Variants in ADAMTS2 observed in about 807,000 individuals in gnomAD.
ADAMTS2 encodes the protein ADAM metallopeptidase with thrombospondin type 1 motif 2.
ADAMTS2 carries 50 observed loss-of-function variants against 123.0 expected under a neutral mutation model. That is an observed-to-expected ratio of 0.41 (90% CI 0.32 to 0.51). The LOEUF (loss-of-function observed/expected upper bound fraction) is 0.51, where lower values mean the gene tolerates loss of function less well. Among genes scored for constraint, ADAMTS2 ranks in the 20% least tolerant of loss-of-function variants. ADAMTS2 has a pLI of 0.35. For missense variants in ADAMTS2, 1,494 were observed against 1,705.2 expected (o/e 0.88, Z 2.18); for synonymous variants, 678 against 695.4 (o/e 0.98, Z 0.39).
chr5:179,345,252 G>GGCGGCGGCGGCGGCAGGAGCA lies in ADAMTS2; in HGVS notation c.76_77insTGCTCCTGCCGCCGCCGCCGC (p.Pro25_Pro26insLeuLeuLeuProProProPro). 8.7e-7 allele frequency: 1 copy of GGCGGCGGCGGCGGCAGGAGCA among 1,143,606 alleles called. No individual in the cohort carries two copies. Among genetic ancestry groups the GGCGGCGGCGGCGGCAGGAGCA allele is most frequent in the Non-Finnish European group, 1.1e-6 (1 of 938,112 alleles). The allele number at this position is 1,143,606 out of a possible 1,614,324, so 70.8% of individuals were successfully genotyped here. A position where few individuals can be genotyped will look rare whatever the true frequency, so the allele number is the denominator to read the frequency against. Reference sequence around the variant, plus strand: ...GGGCGGCGGCGGCGGCGGCAGGAGCGGCGGCGGCAGCAGCAGCAGCAGCAG... The same window carrying GGCGGCGGCGGCGGCAGGAGCA: ...GGGCGGCGGCGGCGGCGGCAGGAGCGGCGGCGGCGGCGGCAGGAGCAGCGGCGGCAGCAGCAGCAGCAGCAG... On this transcript the variant is annotated inframe_insertion, in exon 1 of 22. Transcript: ENST00000251582. This position sits in a 1 kb window ranked among gnomAD's most constrained non-coding sequence, Gnocchi z 7.5.
intron 2 of ADAMTS2, among the ~76,000 whole-genome samples, chr5:179,334,764 T>C (rs565631077): frequency 5.0e-4 from 76 of 152,218 alleles, no homozygotes; most frequent in East Asian, 9.6e-4. Context: ...AAAAGATAGT[T>C]CTATAAAAAT....
At chr5:179,276,658 A>T (rs1766703910) in intron 2 of ADAMTS2, among the ~76,000 whole-genome samples, 1 of 152,234 alleles carries the variant, frequency 6.6e-6, no homozygotes, top group African/African-American at 2.4e-5. Context: ...ATGGGCAGAC[A>T]GGCTGCTGGG....
chr5:179,200,739 T>G (rs2113359086), intron 4 of ADAMTS2, among the ~76,000 whole-genome samples: 1 of 152,258 alleles, frequency 6.6e-6, no homozygotes, highest in East Asian at 1.9e-4. Context: ...GCTTTTCCCC[T>G]GGGAAGGGAA....
chr5:179,315,394 A>AGTG lies in ADAMTS2; in HGVS notation c.534+28372_534+28373insCAC, dbSNP rs1756964707. On this transcript the variant is annotated intron_variant, in intron 2 of 21. Coordinates refer to ENST00000251582, the MANE Select transcript of ADAMTS2 (RefSeq NM_014244.5). ...CTGCCAGTGAAGTGGGGGTGTCCCC[A>AGTG]AAGGGGGTTTGTTTCCCACCATTGG... is the stretch of plus-strand genomic sequence containing the variant. Among the ~76,000 whole-genome samples the AGTG allele has an allele frequency of 2.7e-5, 3 of 112,848 alleles. No individual in the cohort carries two copies. In the East Asian group the frequency reaches 7.6e-4, roughly 28 times the overall value. 74.0% of individuals were successfully genotyped at this position (112,848 alleles called of 152,430 possible).
rs1238598999 is a variant in ADAMTS2 at position 179,188,118 on chromosome 5, G to A, written c.892-6963C>T. 6.6e-6 allele frequency among the ~76,000 whole-genome samples: 1 copy of A among 152,178 alleles called. No individual in the cohort carries two copies. Among genetic ancestry groups the A allele is most frequent in the African/African-American group, 2.4e-5 (1 of 41,460 alleles). On this transcript the variant is annotated intron_variant, in intron 4 of 21. Transcript: ENST00000251582. This position sits in a 1 kb window ranked among gnomAD's most constrained non-coding sequence, Gnocchi z 5.1. ...CCAGCCACAGAGGAGACAGGCAGGG[G>A]CCCTGGAACAGCAGCCACCCCAACC...
At chr5:179,300,534 T>C (rs1756486694) in intron 2 of ADAMTS2, among the ~76,000 whole-genome samples, 1 of 152,206 alleles carries the variant, frequency 6.6e-6, no homozygotes, top group Admixed American at 6.5e-5. Flanking sequence ...ATTGATGTCT[T>C]TGCAACACTT....
rs775388990 is a variant in ADAMTS2 at position 179,181,030 on chromosome 5, C to T, written c.975+42G>A. On this transcript the variant is annotated intron_variant, in intron 5 of 21. Coordinates refer to ENST00000251582, the MANE Select transcript of ADAMTS2 (RefSeq NM_014244.5). The surrounding 1 kb of genome is among the most constrained non-coding windows in gnomAD (Gnocchi z 4.1). Reference sequence around the variant, plus strand: ...TGCCTCACTCCCAGGCCCCTCACTCCGAGGGGGTGGAGGCAGGCCCGGCTG... The same window carrying T: ...TGCCTCACTCCCAGGCCCCTCACTCTGAGGGGGTGGAGGCAGGCCCGGCTG... 1.9e-5 allele frequency: 29 copies of T among 1,512,114 alleles called. No individual in the cohort carries two copies. The highest frequency in any genetic ancestry group is 1.2e-4 in the African/African-American group (9 of 72,834). The allele number at this position is 1,512,114 out of a possible 1,614,324, so 93.7% of individuals were successfully genotyped here.
chr5:179,317,123 C>T lies in ADAMTS2; in HGVS notation c.534+26644G>A, dbSNP rs755010842. ...GACAAAGCCCAGAGCCCCAACCCCACGTGGCCTGGGTCCCCACAGCCTCCA... is the reference window on the plus strand; with the variant it reads ...GACAAAGCCCAGAGCCCCAACCCCATGTGGCCTGGGTCCCCACAGCCTCCA... On this transcript the variant is annotated intron_variant, in intron 2 of 21. Coordinates refer to ENST00000251582, the MANE Select transcript of ADAMTS2 (RefSeq NM_014244.5). This position sits in a 1 kb window ranked among gnomAD's most constrained non-coding sequence, Gnocchi z 4.9. Among the ~76,000 whole-genome samples the T allele has an allele frequency of 4.6e-5, 7 of 152,290 alleles. No homozygotes were observed. In the East Asian group the frequency reaches 9.7e-4, roughly 21 times the overall value.
chr5:179,114,465 GT>G, intron 21 of ADAMTS2, 141 bp from the exon 22 acceptor site: 1 of 845,450 alleles, frequency 1.2e-6, no homozygotes, highest in Non-Finnish European at 1.9e-6. Context: ...CAGAAAGTCT[GT>G]GTGGGTTCAG....
chr5:179,196,433 T>C (rs1304819255), intron 4 of ADAMTS2, among the ~76,000 whole-genome samples: 2 of 152,166 alleles, frequency 1.3e-5, no homozygotes, highest in East Asian at 3.9e-4. Flanking sequence ...TCCCAGAACA[T>C]AAGCAGTTAA....
intron 3 of ADAMTS2, among the ~76,000 whole-genome samples, chr5:179,265,481 A>G (rs1411758370): frequency 6.6e-6 from 1 of 152,122 alleles, no homozygotes; most frequent in Non-Finnish European, 1.5e-5. Flanking sequence ...CCACTGTGGA[A>G]TAAGGGGGGC....
chr5:179,122,871 C>T lies in ADAMTS2; in HGVS notation c.2959-98G>A, dbSNP rs73342598. ...ACAGTCCCCAGGCACATGACCCATG[C>T]GCTCAGGAGGAGGTGTGGGACAGTG... On this transcript the variant is annotated intron_variant, in intron 19 of 21. Coordinates refer to ENST00000251582, the MANE Select transcript of ADAMTS2 (RefSeq NM_014244.5). 1,252 of 1,518,646 alleles carry T rather than the reference C, an allele frequency of 8.2e-4. 8 individuals carry two copies. In the African/African-American group the frequency reaches 0.015, roughly 18 times the overall value. The allele number at this position is 1,518,646 out of a possible 1,614,324, so 94.1% of individuals were successfully genotyped here. A position where few individuals can be genotyped will look rare whatever the true frequency, so the allele number is the denominator to read the frequency against.
In ADAMTS2 at chr5:179,153,617, A is replaced by G; in HGVS notation, c.1389T>C (p.Tyr463=). Residue 463 remains tyrosine (Y), a synonymous_variant, in exon 9 of 22, where the codon TAT becomes TAC. Transcript: ENST00000251582. The part of the protein sequence containing the change: ...QQELSRYLHS[Y]DCLLDDPFAH... ...CGAAGGGGTCATCCAGCAGGCAGTC[A>G]TAGGAGCTGTGGGGGACACACGGTG... The G allele has an allele frequency of 6.2e-7, 1 of 1,603,480 alleles. No homozygotes were observed. Among genetic ancestry groups the G allele is most frequent in the Middle Eastern group, 1.6e-4 (1 of 6,062 alleles).
Position 179,256,295 on chromosome 5 carries a change from C to A in ADAMTS2, c.688+16616G>T, listed in dbSNP as rs181162791. ...CACGGGTGCCCAACAGGAAAGAGGA[C>A]GGGGGCTTATTATAAGGAAAATAGT... On this transcript the variant is annotated intron_variant, in intron 3 of 21. Transcript: ENST00000251582. The surrounding 1 kb of genome is among the most constrained non-coding windows in gnomAD (Gnocchi z 4.1). 6.6e-6 allele frequency among the ~76,000 whole-genome samples: 1 copy of A among 152,058 alleles called. No individual in the cohort carries two copies. The highest frequency in any genetic ancestry group is 1.5e-5 in the Non-Finnish European group (1 of 68,028).
chr5:179,122,887 T>G lies in ADAMTS2; in HGVS notation c.2959-114A>C, dbSNP rs971651690. ...TGACCCATGCGCTCAGGAGGAGGTGTGGGACAGTGGGGAGAGTGGGGTTTC... is the reference window on the plus strand; with the variant it reads ...TGACCCATGCGCTCAGGAGGAGGTGGGGGACAGTGGGGAGAGTGGGGTTTC... On this transcript the variant is annotated intron_variant, in intron 19 of 21. Coordinates refer to ENST00000251582, the MANE Select transcript of ADAMTS2 (RefSeq NM_014244.5). 2.0e-6 allele frequency: 3 copies of G among 1,485,168 alleles called. No individual in the cohort carries two copies. The African/African-American group carries it at 4.2e-5, about 21-fold the overall frequency. The allele number at this position is 1,485,168 out of a possible 1,614,324, so 92.0% of individuals were successfully genotyped here.
At chr5:179,123,600 T>A (rs568730146) in intron 19 of ADAMTS2, among the ~76,000 whole-genome samples, 26 of 152,272 alleles carry the variant, frequency 1.7e-4, no homozygotes, top group Middle Eastern at 3.4e-3. Context: ...TAATTTTTTT[T>A]AATTTTTTTG....
At chr5:179,316,647 C>A (rs1295947475) in intron 2 of ADAMTS2, among the ~76,000 whole-genome samples, 1 of 152,204 alleles carries the variant, frequency 6.6e-6, no homozygotes, top group East Asian at 1.9e-4. Flanking sequence ...GAACTGCTGT[C>A]GAACATGAAG....
chr5:179,151,420 T>C (rs887654883), intron 10 of ADAMTS2, among the ~76,000 whole-genome samples: 3 of 152,102 alleles, frequency 2.0e-5, no homozygotes, highest in Non-Finnish European at 2.9e-5. Flanking sequence ...CCATACAGTT[T>C]GGGGGCGTCC....
chr5:179,114,717 G>T (rs1015900148), intron 21 of ADAMTS2, among the ~76,000 whole-genome samples: 1 of 152,230 alleles, frequency 6.6e-6, no homozygotes, highest in Non-Finnish European at 1.5e-5. Context: ...GGTAACCCCA[G>T]TGAAATTCTG....
Sources: gnomAD v4.1 joint callset for allele counts (sites outside exome capture counted in the v4.1 genomes callset) on GRCh38, gnomAD v4.1.1 for gene constraint, Gnocchi (gnomAD v3.1) non-coding constraint, MANE v1.5 for transcripts, NCBI Gene and HGNC (gene_info 2026-07-23, HGNC 2026-07-21) for gene names.